The following ADGRL1 variants were observed in gnomAD, a reference collection of about 807,000 sequenced individuals.
ADGRL1 encodes the protein adhesion G protein-coupled receptor L1.
A neutral mutation model predicts 148.9 loss-of-function variants in ADGRL1; 31 were observed. The observed-to-expected ratio is 0.21, with a 90% confidence interval of 0.16 to 0.28. ADGRL1 has a LOEUF of 0.28. Among genes scored for constraint, ADGRL1 ranks in the 10% least tolerant of loss-of-function variants. The pLI, the probability that ADGRL1 is intolerant of heterozygous loss-of-function variation, is 1.00. For missense variants in ADGRL1, 1,521 were observed against 2,058.8 expected, an observed-to-expected ratio of 0.74 and a Z score of 5.05; for synonymous variants, 937 against 900.3, an observed-to-expected ratio of 1.04 and a Z score of -0.73.
intron 1 of ADGRL1, among the ~76,000 whole-genome samples, chr19:14,186,947 A>G (rs1014402500): frequency 2.6e-5 from 4 of 151,930 alleles, no homozygotes; most frequent in Admixed American, 2.6e-4. Flanking sequence ...TGCTGCCCTC[A>G]CCCGCCATCC....
rs71170598 is a variant in ADGRL1, at chr19:14,149,922, C to CTTTTTTTTTTTTTTTTTCTTTTTT, written c.*950_*951insAAAAAAGAAAAAAAAAAAAAAAAA. On this transcript the variant is annotated 3_prime_UTR_variant, in exon 23 of 23. Transcript: ENST00000361434. ...CAAGTGATGAGATTTTTTTTCTTTT[C>CTTTTTTTTTTTTTTTTTCTTTTTT]TTTTTTTTTTTTTTTGTCTTTTTTT... 2 of 122,714 alleles carry CTTTTTTTTTTTTTTTTTCTTTTTT rather than the reference C, an allele frequency of 1.6e-5. No homozygotes were observed. The highest frequency in any genetic ancestry group is 8.1e-5 in the Admixed American group (1 of 12,378). The allele number at this position is 122,714 out of a possible 1,614,324, so 7.6% of individuals were successfully genotyped here. A position where few individuals can be genotyped will look rare whatever the true frequency, so the allele number is the denominator to read the frequency against.
intron 1 of ADGRL1, among the ~76,000 whole-genome samples, chr19:14,190,082 C>T (rs1444408569): frequency 1.3e-5 from 2 of 152,150 alleles, no homozygotes; most frequent in East Asian, 3.9e-4. Context: ...TGGGCACCAC[C>T]GTGCCTGGTT....
In ADGRL1 at chr19:14,160,429, A is replaced by G. The variant is rs1969237313; in HGVS notation, c.1615-132T>C. On this transcript the variant is annotated intron_variant, in intron 7 of 22. Transcript: ENST00000361434. The surrounding 1 kb of genome is among the most constrained non-coding windows in gnomAD (Gnocchi z 5.9). The stretch of plus-strand genomic sequence containing the variant: ...TCCCCATCGCCATCTGCCCCTTCCC[A>G]CCCCATCTGTCCCTGCTCCCTTTGT... 1.0e-6 allele frequency: 1 copy of G among 960,606 alleles called. No homozygotes were observed. Among genetic ancestry groups the G allele is most frequent in the Non-Finnish European group, 1.5e-6 (1 of 656,984 alleles). 59.5% of individuals were successfully genotyped at this position (960,606 alleles called of 1,614,324 possible).
At position 14,159,817 on chromosome 19, in the gene ADGRL1, C is replaced by T. The variant is rs748876903; in HGVS notation, c.1801-44G>A. ...GATGTCAGGCCAGGCCTCTGGGTGCCGGTTCCCTCACCCTAATACTGTCAC... is the reference window on the plus strand; with the variant it reads ...GATGTCAGGCCAGGCCTCTGGGTGCTGGTTCCCTCACCCTAATACTGTCAC... On this transcript the variant is annotated intron_variant, in intron 8 of 22. Coordinates refer to ENST00000361434, the MANE Select transcript of ADGRL1 (RefSeq NM_014921.5). The surrounding 1 kb of genome is among the most constrained non-coding windows in gnomAD (Gnocchi z 6.0). 112 of 1,538,766 alleles carry T rather than the reference C, an allele frequency of 7.3e-5. No homozygotes were observed. Among genetic ancestry groups the T allele is most frequent in the Non-Finnish European group, 8.9e-5 (99 of 1,111,836 alleles).
chr19:14,159,747 C>T lies in ADGRL1; in HGVS notation c.1827G>A (p.Lys609=), dbSNP rs750351560. ...CCCTGGGTCTCACCTTGATATAATC[C>T]TTACAAGTTCTCTCTCGCTTGTGCA... ...NKMHKRERTC[K]DYIKAVVETV... is the part of the protein sequence containing the mutation. The change falls in exon 9 of 23, where the codon AAG becomes AAA. Residue 609 remains lysine (K), a synonymous_variant. Transcript: ENST00000361434. The surrounding 1 kb of genome is among the most constrained non-coding windows in gnomAD (Gnocchi z 6.0). 2.5e-6 allele frequency: 4 copies of T among 1,613,988 alleles called. No individual in the cohort carries two copies. The highest frequency in any genetic ancestry group is 3.4e-6 in the Non-Finnish European group (4 of 1,179,918).
At chr19:14,172,746 G>A (rs932370694) in intron 3 of ADGRL1, among the ~76,000 whole-genome samples, 1 of 152,112 alleles carries the variant, frequency 6.6e-6, no homozygotes, top group Non-Finnish European at 1.5e-5. Context: ...GTTGTGTGCT[G>A]TTGTGAGTAG....
intron 3 of ADGRL1, among the ~76,000 whole-genome samples, chr19:14,172,776 G>C (rs1279910493): frequency 6.6e-6 from 1 of 152,126 alleles, no homozygotes; most frequent in Non-Finnish European, 1.5e-5. Flanking sequence ...ATCTCATGCT[G>C]TATGGGGCGT....
Position 14,148,588 on chromosome 19 carries a change from G to C in ADGRL1, c.*2285C>G, listed in dbSNP as rs1262219034. On this transcript the variant is annotated 3_prime_UTR_variant, in exon 23 of 23. Coordinates refer to ENST00000361434, the MANE Select transcript of ADGRL1 (RefSeq NM_014921.5). ...CAGAGCTCCCAGCCTAGTGCAGTCC[G>C]GGAAGGGCCATGGAACTGTCCCTTG... is the stretch of plus-strand genomic sequence containing the variant. 1 of 152,672 alleles carries C rather than the reference G, an allele frequency of 6.5e-6. No homozygotes were observed. The highest frequency in any genetic ancestry group is 6.5e-5 in the Admixed American group (1 of 15,272). 9.5% of individuals were successfully genotyped at this position (152,672 alleles called of 1,614,324 possible).
intron 1 of ADGRL1, among the ~76,000 whole-genome samples, chr19:14,204,655 G>A (rs929613449): frequency 6.6e-6 from 1 of 151,512 alleles, no homozygotes; most frequent in Non-Finnish European, 1.5e-5. Context: ...TAAGGGAGCC[G>A]GGCAAGCAGA....
chr19:14,188,938 C>T (rs10415972), intron 1 of ADGRL1, among the ~76,000 whole-genome samples: 25,302 of 151,574 alleles, frequency 0.17, 2,487 homozygotes, highest in East Asian at 0.39. Context: ...CACGAGCAGA[C>T]ACGGGGTTTC....
At chr19:14,171,184 G>A in intron 3 of ADGRL1, 1 of 196,396 alleles carries the variant, frequency 5.1e-6, no homozygotes, top group Non-Finnish European at 1.1e-5. Flanking sequence ...GTTTCCTGAG[G>A]CCTCCCCAGA....
At chr19:14,183,194 A>AGAGAGAGAGAGAGAGAGAGC in intron 2 of ADGRL1, among the ~76,000 whole-genome samples, 1 of 37,194 alleles carries the variant, frequency 2.7e-5, no homozygotes, top group South Asian at 1.5e-3. Context: ...ATGTAATCAC[A>AGAGAGAGAGAGAGAGAGAGC]GAGAGAGAGA....
At position 14,202,784 on chromosome 19, in the gene ADGRL1, C is replaced by G. The variant is rs192566613; in HGVS notation, c.-96+3201G>C. The stretch of plus-strand genomic sequence containing the variant: ...CCCCATGTGTGCACACAGACAGCTA[C>G]TCCTTCTTGCAGCCCTGCCTCCCCC... On this transcript the variant is annotated intron_variant, in intron 1 of 22. Coordinates refer to ENST00000361434, the MANE Select transcript of ADGRL1 (RefSeq NM_014921.5). 4.8e-3 allele frequency among the ~76,000 whole-genome samples: 733 copies of G among 152,284 alleles called. 7 individuals carry two copies. Among genetic ancestry groups the G allele is most frequent in the African/African-American group, 0.017 (697 of 41,536 alleles).
chr19:14,154,068 T>A (rs1162491228), intron 18 of ADGRL1, among the ~76,000 whole-genome samples: 1 of 151,016 alleles, frequency 6.6e-6, no homozygotes, highest in African/African-American at 2.4e-5. Context: ...AGAGCAGAGG[T>A]TGGAGGGAGG....
intron 3 of ADGRL1, chr19:14,171,256 C>A (rs1970444838): frequency 6.4e-6 from 1 of 156,648 alleles, no homozygotes; most frequent in Non-Finnish European, 1.4e-5. Context: ...AATGTCTTTT[C>A]TTTATAAACT....
intron 4 of ADGRL1, chr19:14,167,074 A>C: frequency 6.5e-7 from 1 of 1,528,056 alleles, no homozygotes; most frequent in South Asian, 1.2e-5. Flanking sequence ...AATTGAAAAA[A>C]AAAATGTGCA....
chr19:14,173,038 C>T (rs1039515083), intron 3 of ADGRL1, among the ~76,000 whole-genome samples: 2 of 152,170 alleles, frequency 1.3e-5, no homozygotes, highest in Non-Finnish European at 2.9e-5. Context: ...TGGCTCACTG[C>T]AGCCTCGGCC....
rs1969523622 is a variant in ADGRL1, at chr19:14,162,702, CGGA to C, written c.1096_1098del (p.Ser366del). 2 of 1,614,000 alleles carry C rather than the reference CGGA, an allele frequency of 1.2e-6. No individual in the cohort carries two copies. The highest frequency in any genetic ancestry group is 1.7e-6 in the Non-Finnish European group (2 of 1,180,014). On this transcript the variant is annotated inframe_deletion, in exon 5 of 23. Coordinates refer to ENST00000361434, the MANE Select transcript of ADGRL1 (RefSeq NM_014921.5). This position sits in a 1 kb window ranked among gnomAD's most constrained non-coding sequence, Gnocchi z 5.4. ...TGGTTGTCGCGAGGGTTGTAGTCAA[CGGA>C]GGAGATGAACTGGTAGGGGTTGGGG... is the stretch of plus-strand genomic sequence containing the variant.
chr19:14,165,792 G>A (rs1215619509), intron 4 of ADGRL1, among the ~76,000 whole-genome samples: 1 of 151,992 alleles, frequency 6.6e-6, no homozygotes, highest in East Asian at 1.9e-4. Context: ...GGGGAGGGGA[G>A]CAGCTCAGAG....
Sources: gnomAD v4.1 joint callset for allele counts (sites outside exome capture counted in the v4.1 genomes callset) on GRCh38, gnomAD v4.1.1 for gene constraint, Gnocchi (gnomAD v3.1) non-coding constraint, MANE v1.5 for transcripts, NCBI Gene and HGNC (gene_info 2026-07-23, HGNC 2026-07-21) for gene names.